SLC45A1: variants seen among roughly 807,000 people sequenced by gnomAD.
The protein encoded by SLC45A1 is solute carrier family 45 member 1, also known as proton-associated sugar transporter A.
SLC45A1 carries 28 observed loss-of-function variants against 57.6 expected under a neutral mutation model. The observed-to-expected ratio is 0.49, with a 90% CI of 0.36 to 0.67. SLC45A1 has a LOEUF of 0.67. SLC45A1 is among the 30% of genes least tolerant of loss of function. SLC45A1 has a pLI of 0.00. For missense variants in SLC45A1, 814 were observed against 1,041.5 expected, an observed-to-expected ratio of 0.78 and a Z score of 3.01; for synonymous variants, 459 against 471.5, an observed-to-expected ratio of 0.97 and a Z score of 0.34.
At chr1:8,338,430 C>T (rs1016200834) in intron 7 of SLC45A1, among the ~76,000 whole-genome samples, 3 of 152,224 alleles carry the variant, frequency 2.0e-5, no homozygotes, top group African/African-American at 7.2e-5. Context: ...GCCAGGGGCC[C>T]AGATGACTTT....
chr1:8,323,214 T>C (rs6577483), intron 1 of SLC45A1, among the ~76,000 whole-genome samples: 151,774 of 152,172 alleles, frequency 1, 75,690 homozygotes, highest in Middle Eastern at 1. Flanking sequence ...AAGTTGAGGC[T>C]GGGCACGGTG....
rs1424267608 is a variant in SLC45A1, at chr1:8,327,678, G to C, written c.715+1636G>C. 6.6e-6 allele frequency among the ~76,000 whole-genome samples: 1 copy of C among 152,126 alleles called. No individual in the cohort carries two copies. The highest frequency in any genetic ancestry group is 1.5e-5 in the Non-Finnish European group (1 of 68,026). On this transcript the variant is annotated intron_variant, in intron 4 of 8. Coordinates refer to ENST00000471889, the MANE Select transcript of SLC45A1 (RefSeq NM_001080397.3). This position sits in a 1 kb window ranked among gnomAD's most constrained non-coding sequence, Gnocchi z 4.3. ...TTAAATAAATAAATAACTCTAGCTTGTCTATATAAAATACTTGCCTTGTTA... is the reference window on the plus strand; with the variant it reads ...TTAAATAAATAAATAACTCTAGCTTCTCTATATAAAATACTTGCCTTGTTA...
At position 8,343,840 on chromosome 1, in the gene SLC45A1, T is replaced by C; in HGVS notation, c.2074T>C (p.Ser692Pro). The part of the protein sequence containing the change: ...CQYFLAQILV[S>P]LVLGPLTSAV... ...GTACTTCCTGGCTCAGATTCTGGTC[T>C]CCCTGGTCCTGGGGCCCCTGACCTC... Residue 692 changes from serine to proline, a missense_variant, in exon 9 of 9, where the codon TCC becomes CCC. Transcript: ENST00000471889. The surrounding 1 kb of genome is among the most constrained non-coding windows in gnomAD (Gnocchi z 7.7). 1 of 1,614,120 alleles carries C rather than the reference T, an allele frequency of 6.2e-7. No individual in the cohort carries two copies. The highest frequency in any genetic ancestry group is 8.5e-7 in the Non-Finnish European group (1 of 1,180,004).
Position 8,339,712 on chromosome 1 carries a change from C to A in SLC45A1, c.1980+14C>A. 1 of 1,611,142 alleles carries A rather than the reference C, an allele frequency of 6.2e-7. No individual in the cohort carries two copies. Among genetic ancestry groups the A allele is most frequent in the African/African-American group, 1.3e-5 (1 of 74,986 alleles). Reference sequence around the variant, plus strand: ...CAGAGTAAGAAGGTAAGTGCTCTCCCTTGTCTTGCTTCGGGTCTGCTTCTT... The same window carrying A: ...CAGAGTAAGAAGGTAAGTGCTCTCCATTGTCTTGCTTCGGGTCTGCTTCTT... On this transcript the variant is annotated intron_variant, in intron 8 of 8. Coordinates refer to ENST00000471889, the MANE Select transcript of SLC45A1 (RefSeq NM_001080397.3).
chr1:8,321,081 C>T (rs1639998233), intron 1 of SLC45A1, among the ~76,000 whole-genome samples: 1 of 152,114 alleles, frequency 6.6e-6, no homozygotes, highest in African/African-American at 2.4e-5. Context: ...AATGAAGCTC[C>T]AGGGGATGCT....
At chr1:8,332,227 G>A (rs1640434481) in intron 5 of SLC45A1, among the ~76,000 whole-genome samples, 7 of 152,302 alleles carry the variant, frequency 4.6e-5, no homozygotes, top group Non-Finnish European at 8.8e-5. Flanking sequence ...GCTCCAGCCC[G>A]TTTTGGCAGT....
rs1293460470 is a variant in SLC45A1 at position 8,318,163 on chromosome 1, G to A, written c.-48G>A. On this transcript the variant is annotated 5_prime_UTR_variant, in exon 1 of 9. Coordinates refer to ENST00000471889, the MANE Select transcript of SLC45A1 (RefSeq NM_001080397.3). ...CAGGCAGCAGCCCAGCGGGGACAGG[G>A]ATGCCTGCCGTCTCCACCCACAGGT... is the stretch of plus-strand genomic sequence containing the variant. 9.0e-6 allele frequency: 4 copies of A among 444,900 alleles called. No homozygotes were observed. The highest frequency in any genetic ancestry group is 3.6e-4 in the Middle Eastern group (1 of 2,798). The allele number at this position is 444,900 out of a possible 1,614,324, so 27.6% of individuals were successfully genotyped here.
chr1:8,323,231 G>A (rs568370744), intron 1 of SLC45A1, among the ~76,000 whole-genome samples: 5 of 152,072 alleles, frequency 3.3e-5, no homozygotes, highest in Admixed American at 1.3e-4. Flanking sequence ...GGTGGCTCAC[G>A]CCTGTAATCC....
At chr1:8,332,425 A>T (rs1346500976) in intron 5 of SLC45A1, among the ~76,000 whole-genome samples, 1 of 152,166 alleles carries the variant, frequency 6.6e-6, no homozygotes, top group Non-Finnish European at 1.5e-5. Context: ...AAGCTGTTTA[A>T]GTTGGTATTT....
Position 8,325,322 on chromosome 1 carries a change from G to T in SLC45A1, c.422G>T (p.Gly141Val), listed in dbSNP as rs755712629. The change falls in exon 3 of 9, where the codon GGT (glycine) becomes GTT (valine). Residue 141 changes from glycine to valine, a missense_variant. Gly to Val is a moderately radical substitution (Grantham distance 109). Coordinates refer to ENST00000471889, the MANE Select transcript of SLC45A1 (RefSeq NM_001080397.3). The surrounding 1 kb of genome is among the most constrained non-coding windows in gnomAD (Gnocchi z 6.3). ...GGATTCCTACTGCAGCCTCTGTTGG[G>T]TGCTTGGAGTGACCGGTGTACCTCA... Reference protein sequence around the residue: ...ILGFLLQPLLGAWSDRCTSRF... With the variant: ...ILGFLLQPLLVAWSDRCTSRF... 2.5e-6 allele frequency: 4 copies of T among 1,613,778 alleles called. No individual in the cohort carries two copies. The highest frequency in any genetic ancestry group is 1.7e-6 in the Non-Finnish European group (2 of 1,179,802).
chr1:8,330,115 C>G lies in SLC45A1; in HGVS notation c.716-94C>G. 1 of 1,477,264 alleles carries G rather than the reference C, an allele frequency of 6.8e-7. No homozygotes were observed. Among genetic ancestry groups the G allele is most frequent in the Non-Finnish European group, 9.2e-7 (1 of 1,088,152 alleles). The allele number at this position is 1,477,264 out of a possible 1,614,324, so 91.5% of individuals were successfully genotyped here. A position where few individuals can be genotyped will look rare whatever the true frequency, so the allele number is the denominator to read the frequency against. ...TCTGTGCCCACGTCCCTGGAATGGC[C>G]TTGGCTACCTTCATGTCCTTCTAAG... On this transcript the variant is annotated intron_variant, in intron 4 of 8. Transcript: ENST00000471889. The surrounding 1 kb of genome is among the most constrained non-coding windows in gnomAD (Gnocchi z 8.4).
intron 1 of SLC45A1, among the ~76,000 whole-genome samples, chr1:8,319,970 G>A (rs1277302559): frequency 7.2e-5 from 11 of 152,190 alleles, no homozygotes; most frequent in Admixed American, 3.9e-4. Flanking sequence ...CACCCACCTC[G>A]GCCTCCCAAA....
chr1:8,323,860 G>A (rs1026527034), intron 1 of SLC45A1, among the ~76,000 whole-genome samples: 3 of 145,962 alleles, frequency 2.1e-5, no homozygotes, highest in East Asian at 1.9e-4. Context: ...TCAGGGTGCC[G>A]GGGGGGTGGT....
At chr1:8,338,077 C>G (rs2124321332) in intron 7 of SLC45A1, 85 bp downstream of exon 7, 1 of 1,288,148 alleles carries the variant, frequency 7.8e-7, no homozygotes, top group Non-Finnish European at 1.1e-6. Context: ...GGTTCATGGC[C>G]TTACGATTGC....
Position 8,328,498 on chromosome 1 carries a change from C to T in SLC45A1, c.716-1711C>T, listed in dbSNP as rs753812671. ...AGGACGTCGGTTTTTACCTTACGCC[C>T]GTCTATGAGAATGCACCACTTTGAT... is the stretch of plus-strand genomic sequence containing the variant. On this transcript the variant is annotated intron_variant, in intron 4 of 8. Coordinates refer to ENST00000471889, the MANE Select transcript of SLC45A1 (RefSeq NM_001080397.3). The surrounding 1 kb of genome is among the most constrained non-coding windows in gnomAD (Gnocchi z 4.6). Among the ~76,000 whole-genome samples the T allele has an allele frequency of 6.6e-6, 1 of 152,168 alleles. No homozygotes were observed. The highest frequency in any genetic ancestry group is 2.4e-5 in the African/African-American group (1 of 41,420).
In SLC45A1 at chr1:8,324,503, C is replaced by CA; in HGVS notation, c.174_175insA (p.Ser59IlefsTer13). 4.4e-6 allele frequency: 7 copies of CA among 1,605,598 alleles called. No homozygotes were observed. Among genetic ancestry groups the CA allele is most frequent in the Non-Finnish European group, 4.3e-6 (5 of 1,174,008 alleles). On this transcript the variant is annotated frameshift_variant, in exon 2 of 9. Transcript: ENST00000471889. LOFTEE classifies it high-confidence loss of function. ...CCAAGAGGAGGAAGTGCATTCGTCC[C>CA]TCCCCACCCCCGCCCCCCAACACCC...
Position 8,335,359 on chromosome 1 carries a change from T to C in SLC45A1, c.1444-78T>C. 1.5e-6 allele frequency: 2 copies of C among 1,351,406 alleles called. No homozygotes were observed. Among genetic ancestry groups the C allele is most frequent in the Non-Finnish European group, 2.0e-6 (2 of 1,021,676 alleles). 83.7% of individuals were successfully genotyped at this position (1,351,406 alleles called of 1,614,324 possible). ...TCCGTGCGGTGTTTCCGAGAGCGCA[T>C]TCCCCTGAGCAGAGCAGGGTCTGCG... On this transcript the variant is annotated intron_variant, in intron 5 of 8. Transcript: ENST00000471889. This position sits in a 1 kb window ranked among gnomAD's most constrained non-coding sequence, Gnocchi z 4.1.
intron 8 of SLC45A1, among the ~76,000 whole-genome samples, chr1:8,342,099 C>T (rs1212590192): frequency 2.7e-5 from 4 of 149,200 alleles, no homozygotes; most frequent in Admixed American, 6.7e-5. Context: ...CCCAGCTACT[C>T]TGGAGGCTGA....
chr1:8,342,420 ACCCCT>A (rs990879055), intron 8 of SLC45A1, among the ~76,000 whole-genome samples: 1 of 151,818 alleles, frequency 6.6e-6, no homozygotes, highest in Non-Finnish European at 1.5e-5. Flanking sequence ...GTCAGCCATC[ACCCCT>A]CTGACCCTCC....
Sources: allele counts gnomAD v4.1 joint callset (sites outside exome capture counted in the v4.1 genomes callset), GRCh38; gene constraint gnomAD v4.1.1; non-coding constraint Gnocchi (gnomAD v3.1); transcripts MANE v1.5; gene names NCBI Gene and HGNC (gene_info 2026-07-23, HGNC 2026-07-21).